RBFOX1: variants seen among roughly 807,000 people sequenced by gnomAD.
RBFOX1 encodes RNA binding fox-1 homolog 1.
A neutral mutation model predicts 57.7 loss-of-function variants in RBFOX1; 8 were observed. The ratio of observed to expected loss-of-function variants is 0.14; its 90% CI spans 0.08 to 0.25. The LOEUF is 0.25. RBFOX1 is among the 10% of genes least tolerant of loss of function. The probability of loss-of-function intolerance (pLI) is 1.00; values close to 1 mark genes in which losing one functional copy is unlikely to be tolerated. For synonymous variants in RBFOX1, 326 were observed against 222.4 expected (o/e 1.47, Z -4.15); for missense variants, 611 against 548.5 (o/e 1.11, Z -1.14).
chr16:6,178,419 G>A (rs1030993733), intron 1 of RBFOX1, among the ~76,000 whole-genome samples: 3 of 151,768 alleles, frequency 2.0e-5, no homozygotes, highest in African/African-American at 4.8e-5. Flanking sequence ...TCCTGACCTC[G>A]TGATCTGCCC....
At chr16:6,596,853 G>T (rs1416867987) in intron 2 of RBFOX1, among the ~76,000 whole-genome samples, 1 of 152,128 alleles carries the variant, frequency 6.6e-6, no homozygotes. Context: ...GTTCTATATA[G>T]TGCTATATCG....
At chr16:5,711,326 G>T (rs1041789364) in intron 3 of RBFOX1, among the ~76,000 whole-genome samples, 1 of 152,274 alleles carries the variant, frequency 6.6e-6, no homozygotes, top group South Asian at 2.1e-4. Context: ...AGGTTAAGTG[G>T]CCCAAGGTCA....
At chr16:6,677,159 A>C (rs2057872488) in intron 3 of RBFOX1, among the ~76,000 whole-genome samples, 1 of 152,236 alleles carries the variant, frequency 6.6e-6, no homozygotes, top group South Asian at 2.1e-4. Context: ...ATAGAATTCC[A>C]AAATATTCAA....
chr16:5,741,465 C>G (rs955369910), intron 3 of RBFOX1, among the ~76,000 whole-genome samples: 1 of 152,154 alleles, frequency 6.6e-6, no homozygotes, highest in Non-Finnish European at 1.5e-5. Flanking sequence ...TCAACTCAGC[C>G]TGGGAAAGAC....
intron 1 of RBFOX1, among the ~76,000 whole-genome samples, chr16:6,162,238 C>T (rs1162355358): frequency 6.6e-6 from 1 of 152,154 alleles, no homozygotes; most frequent in Non-Finnish European, 1.5e-5. Context: ...CTGTGTCAGC[C>T]TCCCTAGTAG....
chr16:6,398,188 C>G (rs1481542745), intron 2 of RBFOX1, among the ~76,000 whole-genome samples: 2 of 152,154 alleles, frequency 1.3e-5, no homozygotes, highest in South Asian at 4.1e-4. Flanking sequence ...AGAACAGCAT[C>G]AGGGTCACCG....
At chr16:6,330,378 C>T (rs2082870304) in intron 2 of RBFOX1, among the ~76,000 whole-genome samples, 1 of 152,196 alleles carries the variant, frequency 6.6e-6, no homozygotes. Context: ...CCTTGCACAG[C>T]AGCTCTCGTA....
chr16:5,758,568 A>G (rs1356744428), intron 3 of RBFOX1, among the ~76,000 whole-genome samples: 1 of 152,202 alleles, frequency 6.6e-6, no homozygotes, highest in Non-Finnish European at 1.5e-5. Context: ...TTTTACAGTG[A>G]CACTCTTAGA....
intron 2 of RBFOX1, among the ~76,000 whole-genome samples, chr16:5,481,627 T>G (rs1405198583): frequency 6.6e-6 from 1 of 152,216 alleles, no homozygotes; most frequent in Non-Finnish European, 1.5e-5. Context: ...TACCAAGTGC[T>G]TCACTTTCCC....
intron 4 of RBFOX1, among the ~76,000 whole-genome samples, chr16:5,902,881 A>G (rs74004693): frequency 0.011 from 1,625 of 152,212 alleles, 36 homozygotes; most frequent in African/African-American, 0.037. Flanking sequence ...GCTCACCTCC[A>G]AGCTCTGCCC....
intron 3 of RBFOX1, among the ~76,000 whole-genome samples, chr16:6,766,791 C>T (rs1012096301): frequency 2.0e-5 from 3 of 152,032 alleles, no homozygotes; most frequent in Non-Finnish European, 4.4e-5. Context: ...ATATGGGCTT[C>T]CGTTAGTGAC....
chr16:7,501,802 A>C (rs2070978398), intron 4 of RBFOX1, among the ~76,000 whole-genome samples: 1 of 152,148 alleles, frequency 6.6e-6, no homozygotes, highest in Admixed American at 6.5e-5. Flanking sequence ...TGTTTCTTAA[A>C]TTTATCTTCT....
At chr16:6,610,304 A>T (rs2098025344) in intron 2 of RBFOX1, among the ~76,000 whole-genome samples, 1 of 146,048 alleles carries the variant, frequency 6.8e-6, no homozygotes, top group African/African-American at 2.4e-5. Context: ...GAAGAAACTC[A>T]TCTGGACCAG....
At chr16:6,701,843 C>T (rs978822318) in intron 3 of RBFOX1, among the ~76,000 whole-genome samples, 11 of 152,100 alleles carry the variant, frequency 7.2e-5, no homozygotes, top group African/African-American at 2.7e-4. Flanking sequence ...AGCAAACTAA[C>T]ATAGGAACAG....
At chr16:6,037,376 GT>G (rs886600767) in intron 1 of RBFOX1, 1 of 152,052 alleles carries the variant, frequency 6.6e-6, no homozygotes, top group Admixed American at 6.6e-5. Flanking sequence ...TTTCTGTGAA[GT>G]TCTTGATAGC....
At chr16:6,929,322 T>G (rs1360132771) in intron 3 of RBFOX1, among the ~76,000 whole-genome samples, 1 of 152,130 alleles carries the variant, frequency 6.6e-6, no homozygotes, top group African/African-American at 2.4e-5. Flanking sequence ...GGGTTTACCT[T>G]GTTTTTTCAT....
At chr16:7,590,769 G>T (rs2094400006) in intron 7 of RBFOX1, among the ~76,000 whole-genome samples, 1 of 149,302 alleles carries the variant, frequency 6.7e-6, no homozygotes, top group South Asian at 2.2e-4. Context: ...TGAGGCAGGA[G>T]AATCACTTGA....
chr16:6,927,439 A>AAAAT (rs869233820), intron 3 of RBFOX1, among the ~76,000 whole-genome samples: 1 of 149,658 alleles, frequency 6.7e-6, no homozygotes, highest in African/African-American at 2.5e-5. Flanking sequence ...AAAAAAAAAA[A>AAAAT]TCCGAACGTC....
intron 3 of RBFOX1, among the ~76,000 whole-genome samples, chr16:6,892,687 G>A (rs184671149): frequency 6.6e-6 from 1 of 151,664 alleles, no homozygotes; most frequent in Admixed American, 6.6e-5. Flanking sequence ...AAACAAAAAA[G>A]CCTGAGAGTG....
Sources: gnomAD v4.1 joint callset for allele counts (sites outside exome capture counted in the v4.1 genomes callset) on GRCh38, gnomAD v4.1.1 for gene constraint, MANE v1.5 for transcripts, NCBI Gene and HGNC (gene_info 2026-07-23, HGNC 2026-07-21) for gene names.